DDX60L: variants seen among roughly 807,000 people sequenced by gnomAD.
The protein encoded by DDX60L is probable ATP-dependent RNA helicase DDX60-like.
Under a neutral mutation model 211.6 loss-of-function variants are expected in DDX60L, and 191 were observed. That is an observed-to-expected ratio of 0.90 (90% CI 0.80 to 1.02). DDX60L has a LOEUF of 1.02. Among genes scored for constraint, DDX60L ranks in the 50% least tolerant of loss-of-function variants. The pLI is 0.00. For synonymous variants in DDX60L, 706 were observed against 694.1 expected, an observed-to-expected ratio of 1.02 and a Z score of -0.27; for missense variants, 2,007 against 1,984.1, an observed-to-expected ratio of 1.01 and a Z score of -0.22.
intron 12 of DDX60L, 132 bp from the exon 13 acceptor site, chr4:168,430,770 C>A (rs1359551092): frequency 3.3e-6 from 2 of 600,082 alleles, no homozygotes; most frequent in South Asian, 3.5e-5. Context: ...TTACCATACG[C>A]TAACAAAATA....
At chr4:168,373,304 T>C (rs1741352793) in intron 35 of DDX60L, among the ~76,000 whole-genome samples, 1 of 152,174 alleles carries the variant, frequency 6.6e-6, no homozygotes, top group East Asian at 1.9e-4. Flanking sequence ...TGTAGACCAC[T>C]GTCCCCAAAG....
intron 1 of DDX60L, among the ~76,000 whole-genome samples, chr4:168,477,808 T>C (rs1045729011): frequency 1.3e-5 from 2 of 152,122 alleles, no homozygotes; most frequent in Non-Finnish European, 2.9e-5. Context: ...AGAAAAGTGA[T>C]TGGAAAAGGT....
chr4:168,460,174 T>A (rs1400217721), intron 5 of DDX60L, among the ~76,000 whole-genome samples: 1 of 152,186 alleles, frequency 6.6e-6, no homozygotes, highest in Non-Finnish European at 1.5e-5. Context: ...CATTTCAAAA[T>A]GTGAAAACTG....
intron 9 of DDX60L, 143 bp downstream of exon 9, chr4:168,448,495 G>GA: frequency 1.8e-6 from 1 of 571,152 alleles, no homozygotes; most frequent in Non-Finnish European, 3.0e-6. Flanking sequence ...ATTAAGTGAA[G>GA]AAAAAATAAA....
At chr4:168,462,735 C>T (rs868578879) in intron 4 of DDX60L, among the ~76,000 whole-genome samples, 17 of 152,244 alleles carry the variant, frequency 1.1e-4, no homozygotes, top group Middle Eastern at 3.4e-3. Flanking sequence ...ATCGCTTGAA[C>T]CAGGGAGGCG....
At chr4:168,460,230 C>A (rs529552711) in intron 5 of DDX60L, among the ~76,000 whole-genome samples, 110 of 152,272 alleles carry the variant, frequency 7.2e-4, no homozygotes, top group African/African-American at 2.3e-3. Context: ...TATTTTTTGA[C>A]TCCCAAGTTT....
At chr4:168,442,781 C>G (rs201253104) in intron 9 of DDX60L, among the ~76,000 whole-genome samples, 1 of 147,172 alleles carries the variant, frequency 6.8e-6, no homozygotes. Flanking sequence ...ACACCTCACA[C>G]GGCAGGGTAC....
Position 168,471,739 on chromosome 4 carries a change from T to A in DDX60L, c.264+8A>T, listed in dbSNP as rs772111359. On this transcript the variant is annotated splice_region_variant and intron_variant, in intron 4 of 37. Coordinates refer to ENST00000682922, the MANE Select transcript of DDX60L (RefSeq NM_001012967.3). ...AGGACTAAAACGACATCAATCATCA[T>A]ATATTACCTTAAAGAAAACTATGGT... is the stretch of plus-strand genomic sequence containing the variant. 1 of 1,584,688 alleles carries A rather than the reference T, an allele frequency of 6.3e-7. No individual in the cohort carries two copies. Among genetic ancestry groups the A allele is most frequent in the Non-Finnish European group, 8.5e-7 (1 of 1,171,202 alleles).
At chr4:168,471,505 T>C in intron 4 of DDX60L, 1 of 327,464 alleles carries the variant, frequency 3.1e-6, no homozygotes, top group Non-Finnish European at 5.4e-6. Context: ...GCCCAGGCTC[T>C]GTGCCTGATC....
intron 22 of DDX60L, among the ~76,000 whole-genome samples, chr4:168,413,111 C>G (rs531166661): frequency 6.6e-6 from 1 of 152,310 alleles, no homozygotes; most frequent in South Asian, 2.1e-4. Flanking sequence ...AAATGCCTAA[C>G]TACTTAATGT....
In DDX60L at chr4:168,356,978, A is replaced by G. The variant is rs1738297928; in HGVS notation, c.*1169T>C. ...CATTTGAGAAACTTTTTTCTCCTTC[A>G]GAGTACCGTATTCATTTATCACAGC... On this transcript the variant is annotated 3_prime_UTR_variant, in exon 38 of 38. Transcript: ENST00000682922. The G allele has an allele frequency of 6.6e-6, 1 of 152,184 alleles. No individual in the cohort carries two copies. The highest frequency in any genetic ancestry group is 2.4e-5 in the African/African-American group (1 of 41,450). 9.4% of individuals were successfully genotyped at this position (152,184 alleles called of 1,614,324 possible). A position where few individuals can be genotyped will look rare whatever the true frequency, so the allele number is the denominator to read the frequency against.
intron 10 of DDX60L, among the ~76,000 whole-genome samples, chr4:168,438,871 G>A (rs1753431675): frequency 6.6e-6 from 1 of 152,188 alleles, no homozygotes; most frequent in Non-Finnish European, 1.5e-5. Context: ...ATTTTGTCTT[G>A]AAAATACGTA....
At chr4:168,371,912 G>C in intron 35 of DDX60L, 149 bp from the exon 36 acceptor site, 1 of 705,638 alleles carries the variant, frequency 1.4e-6, no homozygotes, top group Middle Eastern at 4.2e-4. Context: ...ATTCCCATGG[G>C]GGTTGAGGGA....
At chr4:168,403,811 G>A (rs1373746290) in intron 25 of DDX60L, among the ~76,000 whole-genome samples, 171 bp downstream of exon 25, 1 of 152,030 alleles carries the variant, frequency 6.6e-6, no homozygotes, top group Non-Finnish European at 1.5e-5. Context: ...TGACCTAGAA[G>A]ACTGACCCAT....
chr4:168,426,848 G>T (rs1751532977), intron 14 of DDX60L, among the ~76,000 whole-genome samples: 1 of 151,892 alleles, frequency 6.6e-6, no homozygotes, highest in South Asian at 2.1e-4. Context: ...ATTTCTTTTT[G>T]AATGTGCCAT....
intron 14 of DDX60L, among the ~76,000 whole-genome samples, chr4:168,426,855 C>T (rs1200213448): frequency 6.6e-6 from 1 of 152,150 alleles, no homozygotes; most frequent in Non-Finnish European, 1.5e-5. Context: ...TTTGAATGTG[C>T]CATCTTTTCC....
intron 36 of DDX60L, chr4:168,361,439 A>G: frequency 2.4e-6 from 1 of 420,120 alleles, no homozygotes; most frequent in South Asian, 3.6e-5. Flanking sequence ...GGAGGGTGAA[A>G]TATAAAAGTA....
chr4:168,387,956 T>A (rs1023533998), intron 29 of DDX60L, among the ~76,000 whole-genome samples: 1 of 152,166 alleles, frequency 6.6e-6, no homozygotes, highest in East Asian at 1.9e-4. Context: ...TGTTTGGCAA[T>A]AATCACCTCA....
intron 30 of DDX60L, 196 bp from the exon 31 acceptor site, chr4:168,380,026 T>G: frequency 2.1e-6 from 1 of 465,868 alleles, no homozygotes; most frequent in Non-Finnish European, 3.8e-6. Context: ...AAATACATCA[T>G]ATAAAGCAGA....
Sources: gnomAD v4.1 joint callset for allele counts (sites outside exome capture counted in the v4.1 genomes callset) on GRCh38, gnomAD v4.1.1 for gene constraint, MANE v1.5 for transcripts, NCBI Gene and HGNC (gene_info 2026-07-23, HGNC 2026-07-21) for gene names.